Variants in HCFC2 observed in about 807,000 individuals in gnomAD.
HCFC2 encodes the protein host cell factor C2.
HCFC2 carries 18 observed loss-of-function variants against 89.2 expected under a neutral mutation model. The observed-to-expected ratio is 0.20, with a 90% CI of 0.14 to 0.30. The LOEUF is 0.30. Ranked by LOEUF, HCFC2 falls within the 10% of genes least tolerant of loss-of-function variation. The probability of loss-of-function intolerance (pLI) is 1.00; values close to 1 mark genes in which losing one functional copy is unlikely to be tolerated. For missense variants in HCFC2, 578 were observed against 956.1 expected, an observed-to-expected ratio of 0.60 and a Z score of 5.21; for synonymous variants, 308 against 335.7, an observed-to-expected ratio of 0.92 and a Z score of 0.90.
At position 104,082,506 on chromosome 12, in the gene HCFC2, C is replaced by T; in HGVS notation, c.774C>T (p.Tyr258=). 2 of 1,599,924 alleles carry T rather than the reference C, an allele frequency of 1.3e-6. No individual in the cohort carries two copies. Among genetic ancestry groups the T allele is most frequent in the Non-Finnish European group, 1.7e-6 (2 of 1,167,378 alleles). The change falls in exon 6 of 15, where the codon TAC becomes TAT. Residue 258 remains tyrosine, a synonymous_variant. Transcript: ENST00000229330. ...HTASVIGNKM[Y]IFGGWVPHKG... ...TTGTTTTGTTGTTGCTCAGGATGTA[C>T]ATTTTTGGTGGATGGGTCCCACATA...
In HCFC2 at chr12:104,068,175, T is replaced by C; in HGVS notation, c.473+68T>C. 3 of 1,354,784 alleles carry C rather than the reference T, an allele frequency of 2.2e-6. No homozygotes were observed. In the Middle Eastern group the frequency reaches 5.7e-4, roughly 257 times the overall value. 83.9% of individuals were successfully genotyped at this position (1,354,784 alleles called of 1,614,324 possible). A position where few individuals can be genotyped will look rare whatever the true frequency, so the allele number is the denominator to read the frequency against. On this transcript the variant is annotated intron_variant, in intron 3 of 14. Coordinates refer to ENST00000229330, the MANE Select transcript of HCFC2 (RefSeq NM_013320.3). This position sits in a 1 kb window ranked among gnomAD's most constrained non-coding sequence, Gnocchi z 4.1. ...GAGTAGGAACATTTTATTTTTTCCA[T>C]CTTTAATTTTTAAAAGGGATGATGC...
chr12:104,066,445 GTAAACTATTAT>G, intron 2 of HCFC2, 130 bp downstream of exon 2: 1 of 533,934 alleles, frequency 1.9e-6, no homozygotes, highest in Non-Finnish European at 3.0e-6. Context: ...TATTATTCAA[GTAAACTATTAT>G]TCAAGTAATA....
At chr12:104,081,451 C>T (rs1883679933) in intron 5 of HCFC2, among the ~76,000 whole-genome samples, 2 of 152,132 alleles carry the variant, frequency 1.3e-5, no homozygotes, top group African/African-American at 4.8e-5. Context: ...TTGACTGTTA[C>T]TACCATCAAC....
chr12:104,089,762 T>C (rs922990407), intron 9 of HCFC2, among the ~76,000 whole-genome samples: 1 of 152,256 alleles, frequency 6.6e-6, no homozygotes, highest in African/African-American at 2.4e-5. Context: ...TAGTGTGCTA[T>C]GATAATTACT....
chr12:104,098,607 G>A, intron 13 of HCFC2, 127 bp downstream of exon 13: 3 of 937,292 alleles, frequency 3.2e-6, no homozygotes, highest in Non-Finnish European at 4.8e-6. Context: ...CCCTGATTCA[G>A]GTCACTTGAA....
At position 104,079,491 on chromosome 12, in the gene HCFC2, G is replaced by A. The variant is rs1274088881; in HGVS notation, c.520G>A (p.Val174Ile). Residue 174 changes from valine to isoleucine, a missense_variant, in exon 4 of 15, where the codon GTT becomes ATT. Val to Ile is a conservative substitution (Grantham distance 29). Around this residue, in one of 4 missense-constraint regions of HCFC2, gnomAD observed 206 missense variants for 419.2 expected, o/e 0.49. Coordinates refer to ENST00000229330, the MANE Select transcript of HCFC2 (RefSeq NM_013320.3). ...GTTGGAGCTACAGCATGGCTCTGGTGTTGTGGGTTGGAGCATTCCAGTGAC... is the reference window on the plus strand; with the variant it reads ...GTTGGAGCTACAGCATGGCTCTGGTATTGTGGGTTGGAGCATTCCAGTGAC... ...YELELQHGSG[V>I]VGWSIPVTKG... The A allele has an allele frequency of 5.0e-6, 8 of 1,614,160 alleles. No homozygotes were observed. Among genetic ancestry groups the A allele is most frequent in the East Asian group, 2.2e-5 (1 of 44,882 alleles).
At chr12:104,072,988 T>C (rs984524188) in intron 3 of HCFC2, among the ~76,000 whole-genome samples, 4 of 152,084 alleles carry the variant, frequency 2.6e-5, no homozygotes, top group African/African-American at 4.8e-5. Flanking sequence ...ATTGCTAGTA[T>C]ATAGAAACAC....
At chr12:104,077,305 C>T (rs1242184373) in intron 3 of HCFC2, among the ~76,000 whole-genome samples, 6 of 151,596 alleles carry the variant, frequency 4.0e-5, no homozygotes, top group African/African-American at 1.5e-4. Context: ...TGCAGCCATG[C>T]GATCTCGGCT....
At chr12:104,089,657 C>T (rs1032319598) in intron 9 of HCFC2, among the ~76,000 whole-genome samples, 1 of 152,152 alleles carries the variant, frequency 6.6e-6, no homozygotes, top group Non-Finnish European at 1.5e-5. Context: ...TGCCTCATCC[C>T]CTCCTTTCCT....
In HCFC2 at chr12:104,098,450, G is replaced by T; in HGVS notation, c.1848G>T (p.Leu616Phe). Residue 616 changes from leucine (L) to phenylalanine (F), a missense_variant, in exon 13 of 15, where the codon TTG becomes TTT. Around this residue, in one of 4 missense-constraint regions of HCFC2, gnomAD observed 140 missense variants for 266.4 expected, o/e 0.53. Transcript: ENST00000229330. ...NNTALVSQFY[L>F]LPKGKQSISK... ...CAGCTTTGGTGAGCCAGTTTTATTTGCTGCCAAAAGGGAAGCAAAGCATCT... is the reference window on the plus strand; with the variant it reads ...CAGCTTTGGTGAGCCAGTTTTATTTTCTGCCAAAAGGGAAGCAAAGCATCT... 6.2e-7 allele frequency: 1 copy of T among 1,607,922 alleles called. No individual in the cohort carries two copies. The highest frequency in any genetic ancestry group is 1.1e-5 in the South Asian group (1 of 89,840).
At position 104,102,946 on chromosome 12, in the gene HCFC2, C is replaced by CA. The variant is rs763943037; in HGVS notation, c.2065-13_2065-12insA. On this transcript the variant is annotated splice_polypyrimidine_tract_variant and intron_variant, in intron 14 of 14. Transcript: ENST00000229330. ...TAAGAACCTTTAACCTGTTTTTTCCCCCCCCCTTCAAGAATGTTGAAGGTA... is the reference window on the plus strand; with the variant it reads ...TAAGAACCTTTAACCTGTTTTTTCCCACCCCCCTTCAAGAATGTTGAAGGTA... 1.3e-6 allele frequency: 2 copies of CA among 1,581,782 alleles called. No individual in the cohort carries two copies. Among genetic ancestry groups the CA allele is most frequent in the East Asian group, 2.3e-5 (1 of 43,544 alleles).
At chr12:104,086,291 A>G (rs2136614805) in intron 7 of HCFC2, among the ~76,000 whole-genome samples, 1 of 152,264 alleles carries the variant, frequency 6.6e-6, no homozygotes, top group East Asian at 1.9e-4. Context: ...ATAAGGGAGT[A>G]TTAACTTCAG....
At chr12:104,086,373 C>T (rs917798078) in intron 7 of HCFC2, among the ~76,000 whole-genome samples, 10 of 151,964 alleles carry the variant, frequency 6.6e-5, no homozygotes, top group East Asian at 1.9e-4. Flanking sequence ...CTAAAATGTA[C>T]GCTGTTGGCT....
chr12:104,087,673 C>T (rs2136617104), intron 8 of HCFC2, among the ~76,000 whole-genome samples: 1 of 151,862 alleles, frequency 6.6e-6, no homozygotes, highest in Middle Eastern at 3.4e-3. Context: ...TTCTGCAGTT[C>T]ATTTTTATGT....
intron 3 of HCFC2, among the ~76,000 whole-genome samples, chr12:104,076,892 C>T (rs988891615): frequency 2.6e-5 from 4 of 152,236 alleles, no homozygotes; most frequent in Non-Finnish European, 5.9e-5. Flanking sequence ...GCTTCGTTGC[C>T]TTTCCTCCCT....
In HCFC2 at chr12:104,095,358, A is replaced by G. The variant is rs754458858; in HGVS notation, c.1463-2A>G. 3.1e-6 allele frequency: 5 copies of G among 1,605,996 alleles called. No homozygotes were observed. The East Asian group carries it at 8.9e-5, about 29-fold the overall frequency. On this transcript the variant is annotated splice_acceptor_variant, in intron 10 of 14. Coordinates refer to ENST00000229330, the MANE Select transcript of HCFC2 (RefSeq NM_013320.3). LOFTEE classifies it high-confidence loss of function. The surrounding 1 kb of genome is among the most constrained non-coding windows in gnomAD (Gnocchi z 4.2). The stretch of plus-strand genomic sequence containing the variant: ...ATAATTACCTTTTCCCTTTTATTTT[A>G]GGTCCTCACACTTCAGCAAATGTAG...
At chr12:104,098,247 T>A in intron 12 of HCFC2, 96 bp from the exon 13 acceptor site, 1 of 892,028 alleles carries the variant, frequency 1.1e-6, no homozygotes, top group East Asian at 2.7e-5. Flanking sequence ...TTTATCCAAA[T>A]ACCTACTTGT....
At position 104,068,955 on chromosome 12, in the gene HCFC2, G is replaced by A. The variant is rs534800841; in HGVS notation, c.473+848G>A. On this transcript the variant is annotated intron_variant, in intron 3 of 14. Coordinates refer to ENST00000229330, the MANE Select transcript of HCFC2 (RefSeq NM_013320.3). This position sits in a 1 kb window ranked among gnomAD's most constrained non-coding sequence, Gnocchi z 4.1. ...TATATATTAAAATGGTTACTATAGTGGTAATATATCCGTCATTTCATATAG... is the reference window on the plus strand; with the variant it reads ...TATATATTAAAATGGTTACTATAGTAGTAATATATCCGTCATTTCATATAG... 5.3e-4 allele frequency among the ~76,000 whole-genome samples: 80 copies of A among 152,036 alleles called. No individual in the cohort carries two copies. Among genetic ancestry groups the A allele is most frequent in the African/African-American group, 1.9e-3 (77 of 41,462 alleles).
chr12:104,079,076 C>A (rs1883599497), intron 3 of HCFC2, among the ~76,000 whole-genome samples: 1 of 152,128 alleles, frequency 6.6e-6, no homozygotes, highest in Non-Finnish European at 1.5e-5. Flanking sequence ...AGTCACAAAC[C>A]AGTCCAGAAT....
Sources: gnomAD v4.1 joint callset for allele counts (sites outside exome capture counted in the v4.1 genomes callset) on GRCh38, gnomAD v4.1.1 for gene constraint, gnomAD v4.1.1 regional missense constraint, Gnocchi (gnomAD v3.1) non-coding constraint, MANE v1.5 for transcripts, NCBI Gene and HGNC (gene_info 2026-07-23, HGNC 2026-07-21) for gene names.